The following COL19A1 variants were observed in gnomAD, a reference collection of about 807,000 sequenced individuals.
COL19A1 encodes the protein collagen type XIX alpha 1 chain.
In COL19A1, 159 loss-of-function variants were observed where a neutral mutation model predicts 190.2. The ratio of observed to expected loss-of-function variants is 0.84; its 90% CI spans 0.73 to 0.95. The LOEUF is 0.95. COL19A1 is among the 40% of genes least tolerant of loss of function. The pLI, the probability that COL19A1 is intolerant of heterozygous loss-of-function variation, is 0.00. For synonymous variants in COL19A1, 509 were observed against 458.9 expected (o/e 1.11, Z -1.39); for missense variants, 1,418 against 1,431.9 (o/e 0.99, Z 0.16).
chr6:70,157,670 A>G (rs923694352), intron 34 of COL19A1, among the ~76,000 whole-genome samples: 2 of 152,076 alleles, frequency 1.3e-5, no homozygotes, highest in African/African-American at 4.8e-5. Flanking sequence ...TATATTCAAT[A>G]TTTATTTTCA....
At chr6:70,102,909 A>G (rs1783725185) in intron 16 of COL19A1, among the ~76,000 whole-genome samples, 1 of 152,186 alleles carries the variant, frequency 6.6e-6, no homozygotes, top group Non-Finnish European at 1.5e-5. Context: ...AATGTATACT[A>G]TTGACTGCTC....
At chr6:70,194,366 G>A (rs749155596) in intron 48 of COL19A1, among the ~76,000 whole-genome samples, 7 of 152,074 alleles carry the variant, frequency 4.6e-5, no homozygotes, top group Non-Finnish European at 8.8e-5. Context: ...CTCAAACCTT[G>A]ATCTATTTTC....
chr6:70,177,336 A>C (rs1765878218), intron 42 of COL19A1, among the ~76,000 whole-genome samples: 1 of 152,086 alleles, frequency 6.6e-6, no homozygotes, highest in Admixed American at 6.6e-5. Flanking sequence ...GAAAGATAAG[A>C]TAAGATAAAG....
chr6:69,931,666 A>T (rs1772765943), intron 6 of COL19A1, among the ~76,000 whole-genome samples: 1 of 152,150 alleles, frequency 6.6e-6, no homozygotes, highest in Non-Finnish European at 1.5e-5. Context: ...AATAAAAATT[A>T]ACCTTAATAA....
At chr6:70,111,163 G>A (rs58080723) in intron 16 of COL19A1, among the ~76,000 whole-genome samples, 6 of 152,274 alleles carry the variant, frequency 3.9e-5, no homozygotes, top group East Asian at 1.9e-4. Flanking sequence ...ATATCTTTGT[G>A]AGGTAGGCAA....
At chr6:69,970,196 G>A (rs777369618) in intron 11 of COL19A1, among the ~76,000 whole-genome samples, 2 of 152,150 alleles carry the variant, frequency 1.3e-5, no homozygotes, top group African/African-American at 2.4e-5. Flanking sequence ...TAAATTAACA[G>A]TAGAGTAGAA....
chr6:70,066,740 A>G (rs575822423), intron 14 of COL19A1, among the ~76,000 whole-genome samples: 3 of 152,092 alleles, frequency 2.0e-5, no homozygotes, highest in South Asian at 2.1e-4. Flanking sequence ...GAAAAAGGTC[A>G]TATTATAAAA....
chr6:70,082,630 C>T (rs529491502), intron 15 of COL19A1, among the ~76,000 whole-genome samples: 1 of 152,240 alleles, frequency 6.6e-6, no homozygotes, highest in Non-Finnish European at 1.5e-5. Flanking sequence ...TGGCCGGTCT[C>T]GAACTCCTGA....
At chr6:70,090,484 G>A (rs1295485702) in intron 15 of COL19A1, among the ~76,000 whole-genome samples, 1 of 149,854 alleles carries the variant, frequency 6.7e-6, no homozygotes, top group Non-Finnish European at 1.5e-5. Flanking sequence ...TTTTATATAA[G>A]ATACTTGAAT....
intron 35 of COL19A1, 34 bp downstream of exon 35, chr6:70,161,987 TTATATCTGCTGGTTTGA>T: frequency 6.4e-7 from 1 of 1,566,894 alleles, no homozygotes; most frequent in Non-Finnish European, 8.6e-7. Flanking sequence ...CACTCACAGC[TTATATCTGCTGGTTTGA>T]TGCAAGGTGA....
intron 9 of COL19A1, among the ~76,000 whole-genome samples, chr6:69,955,058 G>T (rs1454683158): frequency 6.6e-6 from 1 of 152,070 alleles, no homozygotes; most frequent in Admixed American, 6.6e-5. Flanking sequence ...TATTTCAGTA[G>T]ATGATTCACA....
At chr6:70,061,895 A>G (rs950001530) in intron 14 of COL19A1, among the ~76,000 whole-genome samples, 1 of 152,142 alleles carries the variant, frequency 6.6e-6, no homozygotes, top group Non-Finnish European at 1.5e-5. Flanking sequence ...TACTTGTTAT[A>G]TTTGAATTTC....
intron 9 of COL19A1, among the ~76,000 whole-genome samples, chr6:69,955,522 AGTGT>A (rs60501043): frequency 0.11 from 15,545 of 138,778 alleles, 731 homozygotes; most frequent in Middle Eastern, 0.14. Context: ...GCCACAGCAA[AGTGT>A]GTGTGTGTGT....
rs531598108 is a variant in COL19A1 at position 70,135,593 on chromosome 6, G to A, written c.1384-2092G>A. 5.6e-4 allele frequency among the ~76,000 whole-genome samples: 86 copies of A among 152,222 alleles called. 1 individual carries two copies. In the South Asian group the frequency reaches 0.015, roughly 27 times the overall value. ...ATGGGCTCACTGCCCACTGTGCACC[G>A]AAGCCAATAACTATGGCACCAGCTT... On this transcript the variant is annotated intron_variant, in intron 18 of 50. Transcript: ENST00000620364.
intron 4 of COL19A1, among the ~76,000 whole-genome samples, chr6:69,915,934 CTTTTTTTTTTTT>C (rs10707834): frequency 9.0e-6 from 1 of 110,940 alleles, no homozygotes; most frequent in Non-Finnish European, 1.8e-5. Flanking sequence ...CTCATCTCAT[CTTTTTTTTTTTT>C]TTTTTTTTTT....
chr6:70,034,486 A>C (rs1016254540), intron 13 of COL19A1, among the ~76,000 whole-genome samples, 188 bp downstream of exon 13: 4 of 152,204 alleles, frequency 2.6e-5, no homozygotes, highest in South Asian at 2.1e-4. Flanking sequence ...GACTAAATGC[A>C]CAATTGCTAG....
intron 17 of COL19A1, among the ~76,000 whole-genome samples, chr6:70,126,046 C>T (rs1785173462): frequency 6.6e-6 from 1 of 151,826 alleles, no homozygotes; most frequent in Admixed American, 6.6e-5. Context: ...ATTGAAAATG[C>T]AGAGTTGTGT....
chr6:69,914,352 G>C (rs920415782), intron 4 of COL19A1, among the ~76,000 whole-genome samples: 18 of 152,186 alleles, frequency 1.2e-4, no homozygotes, highest in African/African-American at 4.3e-4. Flanking sequence ...ACTGACAGGT[G>C]ATGGTGGGTG....
At chr6:70,080,619 T>C (rs1283879221) in intron 15 of COL19A1, among the ~76,000 whole-genome samples, 2 of 152,224 alleles carry the variant, frequency 1.3e-5, no homozygotes, top group African/African-American at 2.4e-5. Context: ...ATAAATGAGG[T>C]CAGGGTAAAA....
Sources: allele counts gnomAD v4.1 joint callset (sites outside exome capture counted in the v4.1 genomes callset), GRCh38; gene constraint gnomAD v4.1.1; transcripts MANE v1.5; gene names NCBI Gene and HGNC (gene_info 2026-07-23, HGNC 2026-07-21).